Variants in SEMA5B observed in about 807,000 individuals in gnomAD.
SEMA5B encodes semaphorin-5B.
A neutral mutation model predicts 135.0 loss-of-function variants in SEMA5B; 66 were observed. That is an observed-to-expected ratio of 0.49 (90% CI 0.40 to 0.60). The LOEUF (loss-of-function observed/expected upper bound fraction) is 0.60, where lower values mean the gene tolerates loss of function less well. Ranked by LOEUF, SEMA5B falls within the 20% of genes least tolerant of loss-of-function variation. The probability of loss-of-function intolerance (pLI) is 0.00; values close to 1 mark genes in which losing one functional copy is unlikely to be tolerated. For synonymous variants in SEMA5B, 690 were observed against 639.5 expected, an observed-to-expected ratio of 1.08 and a Z score of -1.19; for missense variants, 1,501 against 1,566.3, an observed-to-expected ratio of 0.96 and a Z score of 0.70.
intron 1 of SEMA5B, among the ~76,000 whole-genome samples, chr3:123,019,479 C>T (rs778484644): frequency 6.6e-5 from 10 of 152,138 alleles, no homozygotes; most frequent in Non-Finnish European, 1.5e-4. Flanking sequence ...GTCCCAGCTA[C>T]TTGGGAGGTT....
At chr3:122,950,435 A>T (rs1046137457) in intron 2 of SEMA5B, among the ~76,000 whole-genome samples, 7 of 152,076 alleles carry the variant, frequency 4.6e-5, no homozygotes, top group South Asian at 2.1e-4. Flanking sequence ...TTGAGTCTAC[A>T]CTCTTTCTCC....
intron 2 of SEMA5B, among the ~76,000 whole-genome samples, chr3:122,949,882 C>T (rs1560348915): frequency 6.6e-6 from 1 of 152,188 alleles, no homozygotes; most frequent in Non-Finnish European, 1.5e-5. Context: ...AATCAGTACT[C>T]TCCACTCCCT....
intron 5 of SEMA5B, among the ~76,000 whole-genome samples, chr3:122,931,808 C>T (rs770752370): frequency 9.2e-5 from 14 of 152,174 alleles, no homozygotes; most frequent in African/African-American, 1.9e-4. Context: ...AGAATGAGCA[C>T]GATACCAAAA....
chr3:122,993,464 G>T (rs1576397269), intron 1 of SEMA5B, among the ~76,000 whole-genome samples: 1 of 152,180 alleles, frequency 6.6e-6, no homozygotes, highest in East Asian at 1.9e-4. Flanking sequence ...TCCAACTTTG[G>T]CTGGACCAGA....
intron 5 of SEMA5B, among the ~76,000 whole-genome samples, 186 bp from the exon 6 acceptor site, chr3:122,929,244 C>CCAGA (rs1202123577): frequency 6.6e-6 from 1 of 152,204 alleles, no homozygotes; most frequent in Non-Finnish European, 1.5e-5. Flanking sequence ...ATCTCCTTAC[C>CCAGA]CAGAGGTCTT....
At chr3:122,967,730 C>T (rs1030757588) in intron 1 of SEMA5B, among the ~76,000 whole-genome samples, 1 of 152,258 alleles carries the variant, frequency 6.6e-6, no homozygotes, top group East Asian at 1.9e-4. Flanking sequence ...TTCTGGAGGA[C>T]ACTACCTGCT....
chr3:122,944,830 A>G (rs1258028814), intron 3 of SEMA5B, among the ~76,000 whole-genome samples: 1 of 152,122 alleles, frequency 6.6e-6, no homozygotes, highest in Admixed American at 6.6e-5. Context: ...CCTATGCATG[A>G]CCCATGGATG....
chr3:123,016,836 C>T (rs1198818584), intron 1 of SEMA5B, among the ~76,000 whole-genome samples: 1 of 151,378 alleles, frequency 6.6e-6, no homozygotes, highest in Admixed American at 6.6e-5. Flanking sequence ...CTGGCTTCAG[C>T]CTCCCAAAAC....
In SEMA5B at chr3:122,927,336, A is replaced by G. The variant is rs116478691; in HGVS notation, c.850+454T>C. ...TGAGTAGGTAGGAATACAGGCATGC[A>G]TCACCACGCCTGGCTGATTTATTTT... On this transcript the variant is annotated intron_variant, in intron 8 of 22. Transcript: ENST00000357599. Among the ~76,000 whole-genome samples the G allele has an allele frequency of 5.7e-3, 866 of 152,284 alleles. 10 individuals are homozygous for G. The highest frequency in any genetic ancestry group is 0.02 in the African/African-American group (820 of 41,550).
intron 1 of SEMA5B, among the ~76,000 whole-genome samples, chr3:123,026,593 A>G (rs1402128037): frequency 2.0e-5 from 3 of 151,476 alleles, no homozygotes; most frequent in African/African-American, 4.8e-5. Context: ...TCCGGCGACC[A>G]CTTCCCTCTT....
chr3:122,992,235 T>A (rs1274038731), intron 1 of SEMA5B, among the ~76,000 whole-genome samples: 1 of 152,120 alleles, frequency 6.6e-6, no homozygotes, highest in Non-Finnish European at 1.5e-5. Flanking sequence ...GATAGCAAAG[T>A]GACTCTGTGA....
chr3:122,963,492 C>CAAAAAA (rs71136598), intron 1 of SEMA5B, among the ~76,000 whole-genome samples: 4 of 121,752 alleles, frequency 3.3e-5, no homozygotes, highest in African/African-American at 1.1e-4. Flanking sequence ...GTCTCTGACT[C>CAAAAAA]AAAAAAAAAA....
chr3:123,023,584 G>A (rs1285013884), intron 1 of SEMA5B, among the ~76,000 whole-genome samples: 1 of 152,176 alleles, frequency 6.6e-6, no homozygotes, highest in Non-Finnish European at 1.5e-5. Flanking sequence ...GAGGCACAGA[G>A]AGGGAACTTG....
intron 1 of SEMA5B, among the ~76,000 whole-genome samples, chr3:122,983,723 A>G (rs1319386795): frequency 1.4e-5 from 1 of 73,002 alleles, no homozygotes; most frequent in Non-Finnish European, 2.5e-5. Flanking sequence ...TCTCAAAAAA[A>G]AAAAAAAAAA....
chr3:122,931,463 GAAAC>G (rs1226952801), intron 5 of SEMA5B, among the ~76,000 whole-genome samples: 1 of 152,100 alleles, frequency 6.6e-6, no homozygotes, highest in Admixed American at 6.6e-5. Context: ...GAACCACTGA[GAAAC>G]AAAATTGCTG....
chr3:122,923,575 A>G (rs1187190561), intron 10 of SEMA5B, 42 bp downstream of exon 10: 2 of 1,611,164 alleles, frequency 1.2e-6, no homozygotes, highest in Admixed American at 1.7e-5. Context: ...TCTGGGGGTA[A>G]GGCAGTGTGT....
rs2877680 is a variant in SEMA5B at position 123,014,776 on chromosome 3, G to A, written c.-39+12688C>T. ...ATAAATTAGGGAAAAATGTAGTCTC[G>A]AAACAGGAGGTCAAAAAGCTGCAGC... On this transcript the variant is annotated intron_variant, in intron 1 of 22. Coordinates refer to ENST00000357599, the MANE Select transcript of SEMA5B (RefSeq NM_001031702.4). Among the ~76,000 whole-genome samples, 830 of 152,266 alleles carry A rather than the reference G, an allele frequency of 5.5e-3. 11 individuals are homozygous for A. Among genetic ancestry groups the A allele is most frequent in the African/African-American group, 0.019 (785 of 41,536 alleles).
chr3:122,987,594 C>A (rs955105968), intron 1 of SEMA5B, among the ~76,000 whole-genome samples: 7 of 152,162 alleles, frequency 4.6e-5, no homozygotes, highest in Non-Finnish European at 8.8e-5. Context: ...ACCACTCTCC[C>A]CAGAGGCTCG....
chr3:122,966,810 G>T (rs553773394), intron 1 of SEMA5B, among the ~76,000 whole-genome samples: 1 of 149,612 alleles, frequency 6.7e-6, no homozygotes, highest in Admixed American at 6.7e-5. Context: ...TGCCCGCCTC[G>T]GCCTCCCAAA....
Sources: allele counts gnomAD v4.1 joint callset (sites outside exome capture counted in the v4.1 genomes callset), GRCh38; gene constraint gnomAD v4.1.1; transcripts MANE v1.5; gene names NCBI Gene and HGNC (gene_info 2026-07-23, HGNC 2026-07-21).